Variants in TMEM132D observed in about 807,000 individuals in gnomAD.
TMEM132D encodes transmembrane protein 132D, also known as mature OL transmembrane protein.
In TMEM132D, 21 loss-of-function variants were observed where a neutral mutation model predicts 62.3. The ratio of observed to expected loss-of-function variants is 0.34; its 90% CI spans 0.24 to 0.49. The LOEUF (loss-of-function observed/expected upper bound fraction) is 0.49. TMEM132D is among the 20% of genes least tolerant of loss of function. The probability of loss-of-function intolerance (pLI) is 0.99; values close to 1 mark genes in which losing one functional copy is unlikely to be tolerated. For missense variants in TMEM132D, 1,346 were observed against 1,402.8 expected, an observed-to-expected ratio of 0.96 and a Z score of 0.65; for synonymous variants, 621 against 575.6, an observed-to-expected ratio of 1.08 and a Z score of -1.13.
intron 1 of TMEM132D, among the ~76,000 whole-genome samples, chr12:129,826,200 C>A (rs1294914059): frequency 6.6e-6 from 1 of 152,150 alleles, no homozygotes; most frequent in African/African-American, 2.4e-5. Flanking sequence ...CCACTGTGAC[C>A]ACGGGAGCAG....
chr12:129,130,901 C>T (rs146159868), intron 5 of TMEM132D, among the ~76,000 whole-genome samples: 227 of 152,288 alleles, frequency 1.5e-3, no homozygotes, highest in African/African-American at 5.0e-3. Flanking sequence ...GGTTCTCACC[C>T]ATTGGGATTG....
intron 3 of TMEM132D, among the ~76,000 whole-genome samples, chr12:129,449,246 C>A (rs1873196389): frequency 6.6e-6 from 1 of 152,190 alleles, no homozygotes; most frequent in Non-Finnish European, 1.5e-5. Context: ...TGGACCCTTA[C>A]CTACTCGATG....
intron 1 of TMEM132D, among the ~76,000 whole-genome samples, chr12:129,739,150 G>C (rs1006118794): frequency 3.3e-5 from 5 of 152,332 alleles, no homozygotes; most frequent in Admixed American, 6.5e-5. Context: ...AGGCGGTATA[G>C]TGAGGAGGTG....
In TMEM132D at chr12:129,650,169, G is replaced by A. The variant is rs117100952; in HGVS notation, c.968+49641C>T. Among the ~76,000 whole-genome samples, 1,395 of 152,182 alleles carry A rather than the reference G, an allele frequency of 9.2e-3. 19 individuals carry two copies. The highest frequency in any genetic ancestry group is 0.041 in the East Asian group (214 of 5,176). On this transcript the variant is annotated intron_variant, in intron 2 of 8. Coordinates refer to ENST00000422113, the MANE Select transcript of TMEM132D (RefSeq NM_133448.3). ...ACAATGCACACATATATCCATATCT[G>A]ATTTTATATATAATTGTTTTGCAAG...
chr12:129,864,188 T>G (rs11060591), intron 1 of TMEM132D, among the ~76,000 whole-genome samples: 104,248 of 151,994 alleles, frequency 0.69, 37,473 homozygotes, highest in South Asian at 0.81. Context: ...GTGGAGAGAA[T>G]TAAAACCAAA....
chr12:129,485,132 G>A lies in TMEM132D; in HGVS notation c.1115+45927C>T, dbSNP rs187703048. Among the ~76,000 whole-genome samples, 10 of 152,300 alleles carry A rather than the reference G, an allele frequency of 6.6e-5. No individual in the cohort carries two copies. In the East Asian group the frequency reaches 1.9e-3, roughly 29 times the overall value. ...GGAGAGTGTGGTGGTGAGATGGGAG[G>A]CAAACACATATACGTGGTACATTAC... On this transcript the variant is annotated intron_variant, in intron 3 of 8. Coordinates refer to ENST00000422113, the MANE Select transcript of TMEM132D (RefSeq NM_133448.3).
chr12:129,470,889 T>C (rs1187450957), intron 3 of TMEM132D, among the ~76,000 whole-genome samples: 1 of 151,966 alleles, frequency 6.6e-6, no homozygotes, highest in Non-Finnish European at 1.5e-5. Flanking sequence ...AGTCAATAAA[T>C]AACCACAAAA....
intron 5 of TMEM132D, among the ~76,000 whole-genome samples, chr12:129,199,342 T>C (rs1030219369): frequency 8.5e-5 from 13 of 152,168 alleles, no homozygotes; most frequent in African/African-American, 3.1e-4. Flanking sequence ...GCTCATGTGA[T>C]CCACCCATCT....
At chr12:129,376,559 C>A (rs1870787457) in intron 3 of TMEM132D, among the ~76,000 whole-genome samples, 1 of 152,144 alleles carries the variant, frequency 6.6e-6, no homozygotes, top group Non-Finnish European at 1.5e-5. Context: ...GGGACACAGC[C>A]AAACCATATC....
chr12:129,400,796 T>TTA (rs1460306677), intron 3 of TMEM132D, among the ~76,000 whole-genome samples: 3 of 152,256 alleles, frequency 2.0e-5, no homozygotes, highest in Admixed American at 6.5e-5. Context: ...ATTTTTCAAA[T>TTA]TAACTATAAG....
chr12:129,505,193 G>C (rs1875291671), intron 3 of TMEM132D, among the ~76,000 whole-genome samples: 1 of 151,718 alleles, frequency 6.6e-6, no homozygotes, highest in Non-Finnish European at 1.5e-5. Flanking sequence ...TTCTGTGGTT[G>C]TTGGGTAGAA....
intron 3 of TMEM132D, among the ~76,000 whole-genome samples, chr12:129,475,781 A>G (rs1874237110): frequency 6.6e-6 from 1 of 152,232 alleles, no homozygotes; most frequent in Non-Finnish European, 1.5e-5. Flanking sequence ...TGCACCGTGT[A>G]AAGACAGATG....
intron 1 of TMEM132D, among the ~76,000 whole-genome samples, chr12:129,758,257 C>G (rs188252322): frequency 2.0e-5 from 3 of 152,174 alleles, no homozygotes; most frequent in African/African-American, 7.2e-5. Flanking sequence ...TGCCTCAAAA[C>G]TTTTGCCTAT....
intron 2 of TMEM132D, among the ~76,000 whole-genome samples, chr12:129,611,671 T>C (rs748283142): frequency 2.0e-5 from 3 of 152,184 alleles, no homozygotes; most frequent in Admixed American, 6.5e-5. Context: ...GTTCACTCCA[T>C]CATGGGAGGA....
intron 3 of TMEM132D, among the ~76,000 whole-genome samples, chr12:129,467,079 G>T (rs1245780261): frequency 6.6e-6 from 1 of 152,024 alleles, no homozygotes; most frequent in African/African-American, 2.4e-5. Flanking sequence ...ATGAATAACA[G>T]AATAAAATTT....
chr12:129,533,692 A>G (rs1173549315), intron 2 of TMEM132D, among the ~76,000 whole-genome samples: 1 of 152,260 alleles, frequency 6.6e-6, no homozygotes, highest in Admixed American at 6.5e-5. Context: ...TGAAGTATTC[A>G]ACATTTCTTG....
intron 3 of TMEM132D, among the ~76,000 whole-genome samples, chr12:129,384,021 C>T (rs1871033836): frequency 6.6e-6 from 1 of 152,184 alleles, no homozygotes. Flanking sequence ...AGAAGACTCT[C>T]ATTGAGCTCA....
At chr12:129,210,455 A>G (rs1219143419) in intron 4 of TMEM132D, among the ~76,000 whole-genome samples, 2 of 152,086 alleles carry the variant, frequency 1.3e-5, no homozygotes, top group Non-Finnish European at 2.9e-5. Flanking sequence ...TGCACCACAC[A>G]CATCCACACT....
chr12:129,468,447 A>G (rs1306714410), intron 3 of TMEM132D, among the ~76,000 whole-genome samples: 2 of 152,224 alleles, frequency 1.3e-5, no homozygotes, highest in African/African-American at 2.4e-5. Context: ...GTGGATGCAA[A>G]TATCATCAAG....
Sources: allele counts gnomAD v4.1 joint callset (sites outside exome capture counted in the v4.1 genomes callset), GRCh38; gene constraint gnomAD v4.1.1; transcripts MANE v1.5; gene names NCBI Gene and HGNC (gene_info 2026-07-23, HGNC 2026-07-21).